The following ELAPOR2 variants were observed in gnomAD, a reference collection of about 807,000 sequenced individuals.
ELAPOR2 encodes endosome-lysosome associated apoptosis and autophagy regulator family member 2, also known as endosome/lysosome-associated apoptosis and autophagy regulator family member 2.
In ELAPOR2, 89 loss-of-function variants were observed where a neutral mutation model predicts 120.7. The observed-to-expected ratio is 0.74, with a 90% confidence interval of 0.62 to 0.88. The LOEUF is 0.88. Among genes scored for constraint, ELAPOR2 ranks in the 40% least tolerant of loss-of-function variants. The pLI, the probability that ELAPOR2 is intolerant of heterozygous loss-of-function variation, is 0.00. For missense variants in ELAPOR2, 1,134 were observed against 1,251.6 expected (o/e 0.91, Z 1.42); for synonymous variants, 444 against 444.9 (o/e 1.00, Z 0.03).
intron 1 of ELAPOR2, among the ~76,000 whole-genome samples, chr7:86,985,267 A>G (rs1323247975): frequency 1.3e-5 from 2 of 152,220 alleles, no homozygotes; most frequent in African/African-American, 4.8e-5. Flanking sequence ...AGAAGTACAA[A>G]GAGGAGCTGG....
chr7:87,052,904 C>A (rs937337550), intron 1 of ELAPOR2, among the ~76,000 whole-genome samples: 1 of 152,144 alleles, frequency 6.6e-6, no homozygotes, highest in Non-Finnish European at 1.5e-5. Context: ...TCAATCAATT[C>A]TCCCACCTCA....
chr7:86,961,331 G>T (rs1351287319), intron 2 of ELAPOR2, among the ~76,000 whole-genome samples: 2 of 152,170 alleles, frequency 1.3e-5, no homozygotes, highest in African/African-American at 4.8e-5. Flanking sequence ...TATTAAGGTT[G>T]TACCTGAAGT....
chr7:86,907,676 A>G lies in ELAPOR2; in HGVS notation c.2552T>C (p.Val851Ala), dbSNP rs746519432. The G allele has an allele frequency of 1.3e-6, 2 of 1,567,310 alleles. No homozygotes were observed. Among genetic ancestry groups the G allele is most frequent in the South Asian group, 2.4e-5 (2 of 82,902 alleles). ...PTKSGAGVIS[V>A]PSKCPAGTCD... ...CATATGGAAATAAGGATACCTGGGG[A>G]CTGAAATCACTCCTGCTCCAGATTT... Residue 851 changes from valine to alanine, a missense_variant, in exon 18 of 22, where the codon GTC becomes GCC. By Grantham distance (64) the Val-to-Ala change is moderately conservative. Transcript: ENST00000450689.
chr7:86,913,467 T>G (rs1041646872), intron 13 of ELAPOR2, among the ~76,000 whole-genome samples: 3 of 152,180 alleles, frequency 2.0e-5, no homozygotes, highest in Middle Eastern at 3.2e-3. Flanking sequence ...TTAGTATAAA[T>G]TAGGATGCAA....
chr7:86,919,323 A>G lies in ELAPOR2; in HGVS notation c.1400-13T>C, dbSNP rs530866910. ...GCCACCTCCCAACCTAGAAGTAATA[A>G]AAGTCATTTTTATTAATAAAAATTC... is the stretch of plus-strand genomic sequence containing the variant. On this transcript the variant is annotated splice_polypyrimidine_tract_variant and intron_variant, in intron 10 of 21. Coordinates refer to ENST00000450689, the MANE Select transcript of ELAPOR2 (RefSeq NM_001142749.3). 140 of 1,538,500 alleles carry G rather than the reference A, an allele frequency of 9.1e-5. No homozygotes were observed. The highest frequency in any genetic ancestry group is 6.1e-4 in the African/African-American group (44 of 72,594).
chr7:86,965,132 AT>A, intron 1 of ELAPOR2, 108 bp from the exon 2 acceptor site: 1 of 1,135,190 alleles, frequency 8.8e-7, no homozygotes, highest in Non-Finnish European at 1.3e-6. Flanking sequence ...CCTCTCCTTG[AT>A]TCTTATCCCT....
intron 8 of ELAPOR2, among the ~76,000 whole-genome samples, chr7:86,936,422 T>C (rs1312672914): frequency 6.6e-6 from 1 of 152,118 alleles, no homozygotes; most frequent in East Asian, 1.9e-4. Flanking sequence ...CAAATGAAAA[T>C]GTTACCACAA....
chr7:86,929,695 G>A (rs756760049), intron 8 of ELAPOR2, among the ~76,000 whole-genome samples: 6 of 151,778 alleles, frequency 4.0e-5, no homozygotes, highest in Admixed American at 1.3e-4. Context: ...CTTCTCCTCT[G>A]ATATGTTTTA....
intron 1 of ELAPOR2, among the ~76,000 whole-genome samples, chr7:87,020,327 T>C (rs778932526): frequency 1.2e-4 from 18 of 152,110 alleles, no homozygotes; most frequent in Admixed American, 2.6e-4. Flanking sequence ...AGCAAACATC[T>C]GTTCATAGCA....
chr7:87,011,661 A>C (rs962380862), intron 1 of ELAPOR2, among the ~76,000 whole-genome samples: 1 of 152,246 alleles, frequency 6.6e-6, no homozygotes, highest in Non-Finnish European at 1.5e-5. Flanking sequence ...CTTTCACAGA[A>C]GCACATAACA....
intron 9 of ELAPOR2, 103 bp from the exon 10 acceptor site, chr7:86,925,759 AGTGG>A: frequency 1.8e-5 from 20 of 1,095,502 alleles, no homozygotes; most frequent in Middle Eastern, 2.0e-4. Flanking sequence ...CAGGGAGAGA[AGTGG>A]AAAAAAAAGA....
chr7:87,052,711 C>T (rs77078134), intron 1 of ELAPOR2, among the ~76,000 whole-genome samples: 2,160 of 152,294 alleles, frequency 0.014, 54 homozygotes, highest in African/African-American at 0.048. Flanking sequence ...AAATGTACTT[C>T]CAACTCGAGT....
At chr7:86,975,838 G>A (rs189597041) in intron 1 of ELAPOR2, among the ~76,000 whole-genome samples, 36 of 152,324 alleles carry the variant, frequency 2.4e-4, no homozygotes, top group Admixed American at 5.9e-4. Context: ...CTAATACAAT[G>A]GTAGGGAGTT....
intron 20 of ELAPOR2, among the ~76,000 whole-genome samples, chr7:86,892,445 C>T (rs1431488756): frequency 1.3e-5 from 2 of 151,970 alleles, no homozygotes; most frequent in Admixed American, 6.6e-5. Context: ...AGGAATTAGG[C>T]TCAATATTCA....
chr7:86,993,245 A>AAAAAG (rs1554402325), intron 1 of ELAPOR2, among the ~76,000 whole-genome samples: 21 of 150,342 alleles, frequency 1.4e-4, no homozygotes, highest in African/African-American at 4.9e-4. Context: ...AAAAAAAAAA[A>AAAAAG]AAAAAGAAAA....
intron 21 of ELAPOR2, among the ~76,000 whole-genome samples, chr7:86,889,413 C>A (rs889203694): frequency 5.9e-5 from 9 of 151,628 alleles, no homozygotes; most frequent in African/African-American, 2.2e-4. Flanking sequence ...AACTCCCCCC[C>A]AGCTCCAGTG....
intron 21 of ELAPOR2, among the ~76,000 whole-genome samples, chr7:86,881,456 A>G (rs764685002): frequency 6.6e-6 from 1 of 151,178 alleles, no homozygotes; most frequent in Non-Finnish European, 1.5e-5. Context: ...TCCTGGGTTC[A>G]ACCAATTATC....
At chr7:86,979,505 A>G (rs1056240936) in intron 1 of ELAPOR2, among the ~76,000 whole-genome samples, 2 of 152,294 alleles carry the variant, frequency 1.3e-5, no homozygotes, top group South Asian at 4.1e-4. Context: ...GAAATGAGAC[A>G]CCAGTCCAGC....
At chr7:86,937,264 T>A (rs1692425906) in intron 8 of ELAPOR2, among the ~76,000 whole-genome samples, 1 of 152,036 alleles carries the variant, frequency 6.6e-6, no homozygotes, top group South Asian at 2.1e-4. Flanking sequence ...TAAAAAAACT[T>A]AAGGACCTAA....
Sources: gnomAD v4.1 joint callset for allele counts (sites outside exome capture counted in the v4.1 genomes callset) on GRCh38, gnomAD v4.1.1 for gene constraint, MANE v1.5 for transcripts, NCBI Gene and HGNC (gene_info 2026-07-23, HGNC 2026-07-21) for gene names.